The following FGF2 variants were observed in gnomAD, a reference collection of about 807,000 sequenced individuals.
FGF2 encodes the protein fibroblast growth factor 2, also known as basic fibroblast growth factor bFGF.
In FGF2, 13 loss-of-function variants were observed where a neutral mutation model predicts 15.9. That is an observed-to-expected ratio of 0.82 (90% CI 0.53 to 1.30). FGF2 has a LOEUF of 1.30. Among genes scored for constraint, FGF2 ranks in the 50% most tolerant of loss-of-function variants. FGF2 has a pLI of 0.00. For missense variants in FGF2, 163 were observed against 196.9 expected (o/e 0.83, Z 1.03); for synonymous variants, 90 against 78.4 (o/e 1.15, Z -0.78).
rs376597254 is a variant in FGF2 at position 122,878,776 on chromosome 4, G to A, written c.282+2352G>A. On this transcript the variant is annotated intron_variant, in intron 2 of 2. Transcript: ENST00000644866. ...AGTAGGTCAGAGAGGAGTGAGGAAA[G>A]TGCTAGCACTTGTGATTGATTAGAT... Among the ~76,000 whole-genome samples the A allele has an allele frequency of 2.6e-4, 40 of 152,298 alleles. No homozygotes were observed. The South Asian group carries it at 6.6e-3, about 25-fold the overall frequency.
intron 1 of FGF2, among the ~76,000 whole-genome samples, chr4:122,846,325 A>G (rs2150768904): frequency 6.6e-6 from 1 of 152,356 alleles, no homozygotes; most frequent in South Asian, 2.1e-4. Context: ...CAGACATGAA[A>G]TGAACACATG....
rs1727333357 is a variant in FGF2 at position 122,895,785 on chromosome 4, T to C, written c.*3389T>C. ...GAAAGAATGAAGGAGTTCAAACAAATGTGTTTCCCAGTTAACTAGGGTTTA... is the reference window on the plus strand; with the variant it reads ...GAAAGAATGAAGGAGTTCAAACAAACGTGTTTCCCAGTTAACTAGGGTTTA... On this transcript the variant is annotated 3_prime_UTR_variant, in exon 3 of 3. Coordinates refer to ENST00000644866, the MANE Select transcript of FGF2 (RefSeq NM_001361665.2). 1 of 152,220 alleles carries C rather than the reference T, an allele frequency of 6.6e-6. No homozygotes were observed. Among genetic ancestry groups the C allele is most frequent in the Non-Finnish European group, 1.5e-5 (1 of 68,028 alleles). The allele number at this position is 152,220 out of a possible 1,614,324, so 9.4% of individuals were successfully genotyped here. A position where few individuals can be genotyped will look rare whatever the true frequency, so the allele number is the denominator to read the frequency against.
chr4:122,885,435 G>T (rs1023098524), intron 2 of FGF2, among the ~76,000 whole-genome samples: 1 of 152,254 alleles, frequency 6.6e-6, no homozygotes, highest in African/African-American at 2.4e-5. Context: ...GAATGCATGA[G>T]GTGCTTTTAT....
At chr4:122,874,477 A>T (rs1283929837) in intron 1 of FGF2, among the ~76,000 whole-genome samples, 1 of 152,212 alleles carries the variant, frequency 6.6e-6, no homozygotes, top group East Asian at 1.9e-4. Context: ...TCAGACATGA[A>T]ATGTTCAACA....
chr4:122,826,916 G>A lies in FGF2; in HGVS notation c.-259G>A, dbSNP rs1269116174. The A allele has an allele frequency of 2.7e-6, 4 of 1,497,076 alleles. No homozygotes were observed. Among genetic ancestry groups the A allele is most frequent in the East Asian group, 2.8e-5 (1 of 35,886 alleles). 92.7% of individuals were successfully genotyped at this position (1,497,076 alleles called of 1,614,324 possible). On this transcript the variant is annotated 5_prime_UTR_variant, in exon 1 of 3. Transcript: ENST00000644866. ...AGGCGGCTCTCCCCAGGCGGCGTCCGCGGAGACACCCATCCGTGAACCCCA... is the reference window on the plus strand; with the variant it reads ...AGGCGGCTCTCCCCAGGCGGCGTCCACGGAGACACCCATCCGTGAACCCCA...
intron 1 of FGF2, among the ~76,000 whole-genome samples, chr4:122,833,179 ATGTGTG>A (rs139686023): frequency 2.0e-5 from 3 of 148,954 alleles, no homozygotes; most frequent in Non-Finnish European, 3.0e-5. Context: ...TGTATAATGG[ATGTGTG>A]TGTGTGTGTG....
chr4:122,892,137 C>A lies in FGF2; in HGVS notation c.283-74C>A, dbSNP rs143699175. On this transcript the variant is annotated intron_variant, in intron 2 of 2. Transcript: ENST00000644866. ...TTGAGCAGAATAGGCATTATACTAT[C>A]ATAAATATTTAATATGAAAAGTGTA... 10 of 1,276,054 alleles carry A rather than the reference C, an allele frequency of 7.8e-6. No homozygotes were observed. In the African/African-American group the frequency reaches 1.2e-4, roughly 15 times the overall value. The allele number at this position is 1,276,054 out of a possible 1,614,324, so 79.0% of individuals were successfully genotyped here. A position where few individuals can be genotyped will look rare whatever the true frequency, so the allele number is the denominator to read the frequency against.
intron 1 of FGF2, among the ~76,000 whole-genome samples, chr4:122,837,253 G>A (rs1053021234): frequency 6.6e-6 from 1 of 152,114 alleles, no homozygotes; most frequent in Non-Finnish European, 1.5e-5. Flanking sequence ...TGCAAGGGTG[G>A]GTGGGAGAAA....
chr4:122,877,135 A>G (rs1344573305), intron 2 of FGF2, among the ~76,000 whole-genome samples: 1 of 145,234 alleles, frequency 6.9e-6, no homozygotes. Flanking sequence ...TTTGAGATGG[A>G]GTCTCACTCC....
intron 1 of FGF2, among the ~76,000 whole-genome samples, chr4:122,833,968 T>A (rs1725815947): frequency 1.3e-5 from 2 of 152,226 alleles, no homozygotes; most frequent in African/African-American, 4.8e-5. Flanking sequence ...TTAAAAGTAT[T>A]TAAGATTTTT....
intron 1 of FGF2, among the ~76,000 whole-genome samples, chr4:122,871,314 T>G (rs1259410209): frequency 2.6e-5 from 4 of 151,748 alleles, no homozygotes; most frequent in Non-Finnish European, 4.4e-5. Flanking sequence ...GGGTAGAGAG[T>G]TCTATAGATG....
At chr4:122,860,447 C>CTTTTTTTTT (rs34541038) in intron 1 of FGF2, among the ~76,000 whole-genome samples, 4 of 90,916 alleles carry the variant, frequency 4.4e-5, no homozygotes, top group Non-Finnish European at 4.0e-5. Context: ...CTAAGGTTAA[C>CTTTTTTTTT]TTTTTTTTTT....
chr4:122,864,169 T>C (rs1228797353), intron 1 of FGF2, among the ~76,000 whole-genome samples: 1 of 152,234 alleles, frequency 6.6e-6, no homozygotes, highest in Non-Finnish European at 1.5e-5. Flanking sequence ...TTTCTGAATC[T>C]CTGCTTTTCT....
At chr4:122,877,548 T>C (rs1726881580) in intron 2 of FGF2, among the ~76,000 whole-genome samples, 1 of 152,250 alleles carries the variant, frequency 6.6e-6, no homozygotes, top group Non-Finnish European at 1.5e-5. Flanking sequence ...GCATATCTGT[T>C]GAACATATGA....
At chr4:122,861,695 C>T (rs1199804966) in intron 1 of FGF2, among the ~76,000 whole-genome samples, 1 of 152,122 alleles carries the variant, frequency 6.6e-6, no homozygotes, top group Admixed American at 6.5e-5. Context: ...AACTCCTTAA[C>T]ATAGTATTCA....
At chr4:122,855,200 C>A (rs1339499248) in intron 1 of FGF2, among the ~76,000 whole-genome samples, 1 of 152,162 alleles carries the variant, frequency 6.6e-6, no homozygotes, top group Non-Finnish European at 1.5e-5. Context: ...TGAGGAGAAA[C>A]CTCAAGCTCT....
At chr4:122,890,360 A>C (rs1303341418) in intron 2 of FGF2, among the ~76,000 whole-genome samples, 1 of 152,218 alleles carries the variant, frequency 6.6e-6, no homozygotes, top group Non-Finnish European at 1.5e-5. Context: ...TAAGGCTGTG[A>C]TTTATTTGCA....
intron 1 of FGF2, among the ~76,000 whole-genome samples, chr4:122,834,079 TG>T (rs1053706573): frequency 6.6e-6 from 1 of 152,162 alleles, no homozygotes; most frequent in African/African-American, 2.4e-5. Context: ...TGGAATTTAT[TG>T]GTCAGAAAGA....
In FGF2 at chr4:122,893,024, T is replaced by C. The variant is rs761529651; in HGVS notation, c.*628T>C. On this transcript the variant is annotated 3_prime_UTR_variant, in exon 3 of 3. Coordinates refer to ENST00000644866, the MANE Select transcript of FGF2 (RefSeq NM_001361665.2). Reference sequence around the variant, plus strand: ...TGTATTTTCAGTCTTCGCCAGGTCATTGAGATCCATCCACTCACATCTTAA... The same window carrying C: ...TGTATTTTCAGTCTTCGCCAGGTCACTGAGATCCATCCACTCACATCTTAA... 6.8e-6 allele frequency: 11 copies of C among 1,614,174 alleles called. No homozygotes were observed. The highest frequency in any genetic ancestry group is 9.3e-6 in the Non-Finnish European group (11 of 1,180,022).
Sources: gnomAD v4.1 joint callset for allele counts (sites outside exome capture counted in the v4.1 genomes callset) on GRCh38, gnomAD v4.1.1 for gene constraint, MANE v1.5 for transcripts, NCBI Gene and HGNC (gene_info 2026-07-23, HGNC 2026-07-21) for gene names.